The following GPR39 variants were observed in gnomAD, a reference collection of about 807,000 sequenced individuals.
GPR39 encodes G protein-coupled receptor 39.
Under a neutral mutation model 18.4 loss-of-function variants are expected in GPR39, and 23 were observed. The observed-to-expected ratio is 1.25, with a 90% CI of 0.90 to 1.77. GPR39 has a LOEUF of 1.77. GPR39 is among the 40% of genes most tolerant of loss of function. GPR39 has a pLI of 0.00. For missense variants in GPR39, 647 were observed against 602.4 expected (o/e 1.07, Z -0.78); for synonymous variants, 280 against 257.9 (o/e 1.09, Z -0.82).
At chr2:132,436,327 A>G (rs2104762082) in intron 1 of GPR39, among the ~76,000 whole-genome samples, 1 of 152,336 alleles carries the variant, frequency 6.6e-6, no homozygotes, top group African/African-American at 2.4e-5. Flanking sequence ...TATTTCCAAA[A>G]CAAACTCTGC....
chr2:132,555,007 A>G lies in GPR39; in HGVS notation c.857-90094A>G, dbSNP rs921857283. Among the ~76,000 whole-genome samples, 4 of 151,148 alleles carry G rather than the reference A, an allele frequency of 2.6e-5. No homozygotes were observed. In the East Asian group the frequency reaches 7.8e-4, roughly 30 times the overall value. The stretch of plus-strand genomic sequence containing the variant: ...TGCTCTGTCACCCAGGCTGGAGTGC[A>G]GTGGCACAATCTTAGCTCACTGCAA... On this transcript the variant is annotated intron_variant, in intron 1 of 1. Coordinates refer to ENST00000329321, the MANE Select transcript of GPR39 (RefSeq NM_001508.3).
intron 1 of GPR39, among the ~76,000 whole-genome samples, chr2:132,553,679 G>A (rs1270532973): frequency 6.6e-6 from 1 of 152,072 alleles, no homozygotes; most frequent in African/African-American, 2.4e-5. Flanking sequence ...CACTGAGTTG[G>A]CTGCCCTCTG....
At chr2:132,632,119 A>C (rs1445924247) in intron 1 of GPR39, among the ~76,000 whole-genome samples, 1 of 152,094 alleles carries the variant, frequency 6.6e-6, no homozygotes, top group Non-Finnish European at 1.5e-5. Flanking sequence ...GACCCGGTCA[A>C]ATGAATTTTC....
chr2:132,443,836 A>C (rs951091764), intron 1 of GPR39, among the ~76,000 whole-genome samples: 91 of 152,312 alleles, frequency 6.0e-4, no homozygotes, highest in African/African-American at 2.1e-3. Context: ...TTGAGAGGCC[A>C]AGGAGGGTGA....
chr2:132,469,620 C>A, intron 1 of GPR39, among the ~76,000 whole-genome samples: 1 of 152,208 alleles, frequency 6.6e-6, no homozygotes, highest in African/African-American at 2.4e-5. Flanking sequence ...AAGAGGTAGT[C>A]GTATAACTAA....
At chr2:132,629,656 G>A (rs1036444837) in intron 1 of GPR39, among the ~76,000 whole-genome samples, 1 of 152,194 alleles carries the variant, frequency 6.6e-6, no homozygotes, top group African/African-American at 2.4e-5. Flanking sequence ...CTTTGAGGTC[G>A]TTCCTGGTCT....
chr2:132,476,861 G>C (rs1171793556), intron 1 of GPR39, among the ~76,000 whole-genome samples: 1 of 152,106 alleles, frequency 6.6e-6, no homozygotes, highest in Non-Finnish European at 1.5e-5. Flanking sequence ...TGGGAAGGAA[G>C]GGAAAGGTTG....
chr2:132,534,425 G>C (rs1399540231), intron 1 of GPR39, among the ~76,000 whole-genome samples: 4 of 149,552 alleles, frequency 2.7e-5, no homozygotes, highest in African/African-American at 7.3e-5. Context: ...GTGGAAGTCA[G>C]TGTGGCAATT....
chr2:132,569,327 A>G (rs3109148), intron 1 of GPR39, among the ~76,000 whole-genome samples: 97,908 of 151,998 alleles, frequency 0.64, 33,417 homozygotes, highest in East Asian at 0.92. Flanking sequence ...AGCCTGATTC[A>G]CCAAGTCAGC....
At chr2:132,495,464 C>T (rs1681622468) in intron 1 of GPR39, among the ~76,000 whole-genome samples, 1 of 152,128 alleles carries the variant, frequency 6.6e-6, no homozygotes. Context: ...GGTTGGACTC[C>T]TCTCTTGCTT....
At chr2:132,505,509 T>C (rs4637177) in intron 1 of GPR39, among the ~76,000 whole-genome samples, 53,364 of 152,098 alleles carry the variant, frequency 0.35, 10,475 homozygotes, top group East Asian at 0.79. Flanking sequence ...TATCTAACTC[T>C]ATGTTTGTAC....
At chr2:132,540,270 C>T (rs991307350) in intron 1 of GPR39, among the ~76,000 whole-genome samples, 9 of 152,076 alleles carry the variant, frequency 5.9e-5, no homozygotes, top group Admixed American at 3.9e-4. Context: ...AGGGGCTCTC[C>T]GGAGATTTAG....
Position 132,424,077 on chromosome 2 carries a change from G to A in GPR39, c.856+6179G>A, listed in dbSNP as rs563919309. Among the ~76,000 whole-genome samples, 627 of 152,258 alleles carry A rather than the reference G, an allele frequency of 4.1e-3. 5 individuals carry two copies. The highest frequency in any genetic ancestry group is 0.014 in the African/African-American group (585 of 41,554). ...TCAAACCAACATGCAAAACATTTAAGATTTGCTTGCCCCTGAGCAAATGAA... is the reference window on the plus strand; with the variant it reads ...TCAAACCAACATGCAAAACATTTAAAATTTGCTTGCCCCTGAGCAAATGAA... On this transcript the variant is annotated intron_variant, in intron 1 of 1. Transcript: ENST00000329321.
At chr2:132,601,010 G>A (rs1681034003) in intron 1 of GPR39, among the ~76,000 whole-genome samples, 1 of 152,104 alleles carries the variant, frequency 6.6e-6, no homozygotes, top group Non-Finnish European at 1.5e-5. Flanking sequence ...TTTAGCTCTT[G>A]CTTGTAAGTA....
At chr2:132,452,229 T>G (rs1242255909) in intron 1 of GPR39, among the ~76,000 whole-genome samples, 1 of 152,190 alleles carries the variant, frequency 6.6e-6, no homozygotes, top group African/African-American at 2.4e-5. Context: ...GTCTCATAAA[T>G]GTACTAGATT....
intron 1 of GPR39, among the ~76,000 whole-genome samples, chr2:132,547,753 G>A (rs948293068): frequency 9.2e-5 from 14 of 152,172 alleles, no homozygotes; most frequent in African/African-American, 3.1e-4. Context: ...CCATTTTAAA[G>A]TGGAGGAAAA....
At chr2:132,625,043 G>A (rs765646645) in intron 1 of GPR39, among the ~76,000 whole-genome samples, 1 of 151,318 alleles carries the variant, frequency 6.6e-6, no homozygotes, top group Non-Finnish European at 1.5e-5. Flanking sequence ...AACCCACGCT[G>A]GCAGTGTACG....
chr2:132,563,461 C>T (rs1003409447), intron 1 of GPR39, among the ~76,000 whole-genome samples: 2 of 152,280 alleles, frequency 1.3e-5, no homozygotes, highest in Non-Finnish European at 2.9e-5. Flanking sequence ...ATAGTTCCAG[C>T]TACTTGGGAG....
chr2:132,552,893 TATATATATACACACAC>T (rs1197295393), intron 1 of GPR39, among the ~76,000 whole-genome samples: 1 of 96,606 alleles, frequency 1.0e-5, no homozygotes, highest in African/African-American at 5.6e-5. Context: ...TATACACACA[TATATATATACACACAC>T]ATATATATAC....
Sources: gnomAD v4.1 joint callset for allele counts (sites outside exome capture counted in the v4.1 genomes callset) on GRCh38, gnomAD v4.1.1 for gene constraint, MANE v1.5 for transcripts, NCBI Gene and HGNC (gene_info 2026-07-23, HGNC 2026-07-21) for gene names.